DPP6: variants seen among roughly 807,000 people sequenced by gnomAD.
The protein encoded by DPP6 is A-type potassium channel modulatory protein DPP6.
Under a neutral mutation model 122.6 loss-of-function variants are expected in DPP6, and 69 were observed. The ratio of observed to expected loss-of-function variants is 0.56; its 90% CI spans 0.46 to 0.69. The LOEUF (loss-of-function observed/expected upper bound fraction) is 0.69, where lower values mean the gene tolerates loss of function less well. Ranked by LOEUF, DPP6 falls within the 30% of genes least tolerant of loss-of-function variation. DPP6 has a pLI of 0.00. For missense variants in DPP6, 928 were observed against 1,116.9 expected (o/e 0.83, Z 2.41); for synonymous variants, 418 against 433.1 (o/e 0.97, Z 0.43).
rs376978984 is a variant in DPP6 at position 154,185,660 on chromosome 7, G to A, written c.243+132597G>A. Among the ~76,000 whole-genome samples the A allele has an allele frequency of 5.8e-4, 89 of 152,202 alleles. 1 individual carries two copies. The highest frequency in any genetic ancestry group is 2.0e-3 in the African/African-American group (82 of 41,550). On this transcript the variant is annotated intron_variant, in intron 1 of 25. Transcript: ENST00000377770. The stretch of plus-strand genomic sequence containing the variant: ...GATGAATAAACAGCAAGCAGTGAGC[G>A]CATCTAATAGATTTCTGACAATAGA...
intron 1 of DPP6, among the ~76,000 whole-genome samples, chr7:154,011,571 GAACAT>G (rs59698278): frequency 0.086 from 13,136 of 152,074 alleles, 721 homozygotes; most frequent in East Asian, 0.18. Flanking sequence ...TATTCACTAA[GAACAT>G]AACATCCAAG....
chr7:154,726,454 G>A (rs1201501739), intron 7 of DPP6, among the ~76,000 whole-genome samples: 4 of 152,208 alleles, frequency 2.6e-5, no homozygotes, highest in Non-Finnish European at 5.9e-5. Context: ...TGCACCCTCT[G>A]AAGCAACAGC....
chr7:154,536,640 C>A (rs190617033), intron 3 of DPP6, among the ~76,000 whole-genome samples: 1 of 152,074 alleles, frequency 6.6e-6, no homozygotes, highest in African/African-American at 2.4e-5. Context: ...AACACCAAAC[C>A]CTTCGTGAAG....
At chr7:154,140,841 G>T (rs555762706) in intron 1 of DPP6, among the ~76,000 whole-genome samples, 1 of 152,330 alleles carries the variant, frequency 6.6e-6, no homozygotes, top group African/African-American at 2.4e-5. Flanking sequence ...AAATAAATCA[G>T]TTAATACATA....
At chr7:153,973,633 G>GT (rs1796141438) in intron 1 of DPP6, among the ~76,000 whole-genome samples, 1 of 15,936 alleles carries the variant, frequency 6.3e-5, no homozygotes, top group South Asian at 1.5e-3. Flanking sequence ...ACCATCGCTC[G>GT]TGTGTGTGTG....
chr7:153,964,283 A>G (rs893514652), intron 1 of DPP6, among the ~76,000 whole-genome samples: 4 of 152,184 alleles, frequency 2.6e-5, no homozygotes, highest in African/African-American at 9.7e-5. Flanking sequence ...GGCGTGAGCC[A>G]CTGTGCCCAG....
chr7:154,233,316 TG>T (rs1238837882), intron 1 of DPP6, among the ~76,000 whole-genome samples: 2 of 152,214 alleles, frequency 1.3e-5, no homozygotes, highest in Non-Finnish European at 2.9e-5. Context: ...TGTTCATCAG[TG>T]CAGTGACACA....
chr7:154,041,492 T>C (rs1248119499), intron 1 of DPP6, among the ~76,000 whole-genome samples: 1 of 152,228 alleles, frequency 6.6e-6, no homozygotes, highest in Non-Finnish European at 1.5e-5. Flanking sequence ...TGGCCTCTCT[T>C]AGCATGCTTA....
the DPP6 span, among the ~76,000 whole-genome samples, chr7:153,769,282 A>G: frequency 6.6e-6 from 1 of 152,170 alleles, no homozygotes; most frequent in African/African-American, 2.4e-5. Context: ...GTGTATATTT[A>G]AGGTATACAA....
At chr7:153,818,986 G>A in the DPP6 span, among the ~76,000 whole-genome samples, 19 of 149,386 alleles carry the variant, frequency 1.3e-4, no homozygotes, top group South Asian at 2.1e-4. Context: ...TCCTGACCTC[G>A]TGATCCGCCC....
chr7:154,243,413 G>A (rs2150879920), intron 1 of DPP6, among the ~76,000 whole-genome samples: 1 of 152,164 alleles, frequency 6.6e-6, no homozygotes, highest in Middle Eastern at 3.4e-3. Flanking sequence ...AGTAAACAGA[G>A]GGAAAGTTGC....
At chr7:154,502,081 G>A (rs1825301183) in intron 3 of DPP6, among the ~76,000 whole-genome samples, 1 of 152,192 alleles carries the variant, frequency 6.6e-6, no homozygotes, top group South Asian at 2.1e-4. Context: ...CATGGGTCCT[G>A]TAGCCCCTTG....
At chr7:154,573,586 G>A (rs1299314138) in intron 5 of DPP6, among the ~76,000 whole-genome samples, 2 of 152,192 alleles carry the variant, frequency 1.3e-5, no homozygotes, top group African/African-American at 4.8e-5. Flanking sequence ...CTTTGCGACC[G>A]AATTTATAAA....
chr7:154,594,196 G>A (rs1245795537), intron 5 of DPP6, among the ~76,000 whole-genome samples: 3 of 152,182 alleles, frequency 2.0e-5, no homozygotes, highest in South Asian at 2.1e-4. Flanking sequence ...AGAAATGGCA[G>A]CTAAGTGGAT....
upstream of DPP6, among the ~76,000 whole-genome samples, chr7:153,886,494 A>G (rs369526577): frequency 1.8e-3 from 280 of 152,260 alleles, 2 homozygotes; most frequent in African/African-American, 6.3e-3. Context: ...CAGATCCCGC[A>G]GGCAGCCAAG....
At chr7:153,995,620 G>A (rs1276529950) in intron 1 of DPP6, among the ~76,000 whole-genome samples, 1 of 146,388 alleles carries the variant, frequency 6.8e-6, no homozygotes, top group African/African-American at 2.5e-5. Flanking sequence ...AATGAAGAAG[G>A]CAGATGCAAT....
intron 1 of DPP6, among the ~76,000 whole-genome samples, chr7:153,942,411 C>T (rs116730345): frequency 0.029 from 4,404 of 152,280 alleles, 220 homozygotes; most frequent in African/African-American, 0.1. Flanking sequence ...TGCCAGTTCC[C>T]TGTGAGATCT....
At chr7:153,844,532 AC>A in the DPP6 span, among the ~76,000 whole-genome samples, 1 of 152,382 alleles carries the variant, frequency 6.6e-6, no homozygotes, top group South Asian at 2.1e-4. Context: ...TGATTTTTGT[AC>A]ATTACAATTA....
At chr7:154,322,527 A>G (rs1020173550) in intron 1 of DPP6, among the ~76,000 whole-genome samples, 2 of 152,350 alleles carry the variant, frequency 1.3e-5, no homozygotes, top group Non-Finnish European at 1.5e-5. Context: ...TCACTTTCCA[A>G]TGATCTTAGG....
Sources: gnomAD v4.1 joint callset for allele counts (sites outside exome capture counted in the v4.1 genomes callset) on GRCh38, gnomAD v4.1.1 for gene constraint, MANE v1.5 for transcripts, NCBI Gene and HGNC (gene_info 2026-07-23, HGNC 2026-07-21) for gene names.